Variants in POLE4 observed in about 807,000 individuals in gnomAD.
The protein encoded by POLE4 is DNA polymerase epsilon 4, accessory subunit.
POLE4 carries 15 observed loss-of-function variants against 15.6 expected under a neutral mutation model. The ratio of observed to expected loss-of-function variants is 0.96; its 90% CI spans 0.64 to 1.48. POLE4 has a LOEUF of 1.48. POLE4 is among the 40% of genes most tolerant of loss of function. POLE4 has a pLI of 0.00. For missense variants in POLE4, 205 were observed against 151.9 expected, an observed-to-expected ratio of 1.35 and a Z score of -1.84; for synonymous variants, 83 against 63.2, an observed-to-expected ratio of 1.31 and a Z score of -1.49.
rs1671165853 is a variant in POLE4 at position 74,958,832 on chromosome 2, G to A, written c.153G>A (p.Lys51=). The change falls in exon 1 of 4, where the codon AAG becomes AAA. Residue 51 remains lysine, a synonymous_variant. Coordinates refer to ENST00000483063, the MANE Select transcript of POLE4 (RefSeq NM_019896.4). ...TGGCGCGAGTGAAGGCCTTGGTGAAGGCAGATCCCGACGTGACGCTAGCGG... is the reference window on the plus strand; with the variant it reads ...TGGCGCGAGTGAAGGCCTTGGTGAAAGCAGATCCCGACGTGACGCTAGCGG... ...LPLARVKALV[K]ADPDVTLAGQ... The A allele has an allele frequency of 1.0e-5, 16 of 1,559,886 alleles. No homozygotes were observed. Among genetic ancestry groups the A allele is most frequent in the Non-Finnish European group, 1.3e-5 (15 of 1,151,998 alleles).
rs1342558333 is a variant in POLE4 at position 74,958,811 on chromosome 2, G to T, written c.132G>T (p.Ala44=). 1 of 1,556,116 alleles carries T rather than the reference G, an allele frequency of 6.4e-7. No homozygotes were observed. The highest frequency in any genetic ancestry group is 8.7e-7 in the Non-Finnish European group (1 of 1,149,812). ...PGARLSRLPL[A]RVKALVKADP... ...CTCGTCTCTCGAGGTTGCCTCTGGC[G>T]CGAGTGAAGGCCTTGGTGAAGGCAG... The change falls in exon 1 of 4, where the codon GCG becomes GCT. Residue 44 remains alanine, a synonymous_variant. Transcript: ENST00000483063.
At chr2:74,964,024 A>G (rs1379375312) in intron 3 of POLE4, among the ~76,000 whole-genome samples, 10 of 147,036 alleles carry the variant, frequency 6.8e-5, no homozygotes, top group Non-Finnish European at 4.6e-5. Context: ...TTTGTCTTTC[A>G]TAACAGTGGA....
At chr2:74,961,886 C>G (rs1432980356) in intron 3 of POLE4, among the ~76,000 whole-genome samples, 1 of 152,058 alleles carries the variant, frequency 6.6e-6, no homozygotes, top group African/African-American at 2.4e-5. Context: ...GTTCTTATGT[C>G]CTTAGGTGTG....
At chr2:74,966,481 A>C (rs1250362474) in intron 3 of POLE4, among the ~76,000 whole-genome samples, 2 of 152,162 alleles carry the variant, frequency 1.3e-5, no homozygotes, top group East Asian at 3.8e-4. Flanking sequence ...AGCTCACTGC[A>C]ACCTCTGCCT....
intron 3 of POLE4, among the ~76,000 whole-genome samples, chr2:74,963,042 G>C (rs932782799): frequency 6.6e-6 from 1 of 152,210 alleles, no homozygotes; most frequent in Non-Finnish European, 1.5e-5. Context: ...CTATTTTAAT[G>C]TTGATATTTG....
rs1055930922 is a variant in POLE4, at chr2:74,962,245, G to T, written c.340+2099G>T. 2.6e-5 allele frequency among the ~76,000 whole-genome samples: 4 copies of T among 152,246 alleles called. No individual in the cohort carries two copies. The East Asian group carries it at 5.8e-4, about 22-fold the overall frequency. On this transcript the variant is annotated intron_variant, in intron 3 of 3. Transcript: ENST00000483063. ...ATAACATACTAGGATGTCTTTGGTTGTTGTGTCCAATTTTTAATGTATTCC... is the reference window on the plus strand; with the variant it reads ...ATAACATACTAGGATGTCTTTGGTTTTTGTGTCCAATTTTTAATGTATTCC...
At position 74,958,759 on chromosome 2, in the gene POLE4, C is replaced by A; in HGVS notation, c.80C>A (p.Pro27His). Residue 27 changes from proline (P) to histidine (H), a missense_variant, in exon 1 of 4, where the codon CCC (proline) becomes CAC (histidine). By Grantham distance (77) the Pro-to-His change is moderately conservative. Transcript: ENST00000483063. Reference sequence around the variant, plus strand: ...GCTGGGGAGGCAGCGGCCTCGCAGCCCCAGGCCCCAACGAGTGTGCCTGGG... The same window carrying A: ...GCTGGGGAGGCAGCGGCCTCGCAGCACCAGGCCCCAACGAGTGTGCCTGGG... Reference protein sequence around the residue: ...GPAGEAAASQPQAPTSVPGAR... With the variant: ...GPAGEAAASQHQAPTSVPGAR... The A allele has an allele frequency of 5.8e-6, 9 of 1,540,588 alleles. No homozygotes were observed. The highest frequency in any genetic ancestry group is 5.3e-6 in the Non-Finnish European group (6 of 1,142,598).
intron 3 of POLE4, among the ~76,000 whole-genome samples, chr2:74,961,875 T>C (rs892177945): frequency 6.6e-6 from 1 of 152,204 alleles, no homozygotes; most frequent in African/African-American, 2.4e-5. Flanking sequence ...GTAAAATAAA[T>C]GTTCTTATGT....
At chr2:74,965,359 A>G (rs1287877632) in intron 3 of POLE4, among the ~76,000 whole-genome samples, 1 of 152,138 alleles carries the variant, frequency 6.6e-6, no homozygotes, top group Middle Eastern at 3.2e-3. Flanking sequence ...TCAGCCTCCC[A>G]AAGTGTTGGG....
At position 74,958,789 on chromosome 2, in the gene POLE4, GTC is replaced by G; in HGVS notation, c.115_116del (p.Ser39GlufsTer62). 2.6e-6 allele frequency: 4 copies of G among 1,551,536 alleles called. No individual in the cohort carries two copies. The highest frequency in any genetic ancestry group is 1.4e-5 in the African/African-American group (1 of 73,072). ...GCCCCAACGAGTGTGCCTGGGGCTCGTCTCTCGAGGTTGCCTCTGGCGCGAGT... is the reference window on the plus strand; with the variant it reads ...GCCCCAACGAGTGTGCCTGGGGCTCGTCTCGAGGTTGCCTCTGGCGCGAGT... On this transcript the variant is annotated frameshift_variant, in exon 1 of 4. Coordinates refer to ENST00000483063, the MANE Select transcript of POLE4 (RefSeq NM_019896.4). LOFTEE classifies it high-confidence loss of function.
chr2:74,969,042 T>C (rs749372137), intron 3 of POLE4, among the ~76,000 whole-genome samples: 6 of 152,196 alleles, frequency 3.9e-5, no homozygotes, highest in Admixed American at 6.5e-5. Flanking sequence ...CAGTCCCCCA[T>C]CTGGAACTGA....
At position 74,958,889 on chromosome 2, in the gene POLE4, C is replaced by T. The variant is rs1182065344; in HGVS notation, c.210C>T (p.Ala70=). 1 of 1,554,230 alleles carries T rather than the reference C, an allele frequency of 6.4e-7. No homozygotes were observed. Among genetic ancestry groups the T allele is most frequent in the Non-Finnish European group, 8.7e-7 (1 of 1,148,602 alleles). The part of the protein sequence containing the change: ...GQEAIFILAR[A]AELFVETIAK... ...AAGCCATCTTCATTCTGGCACGAGC[C>T]GCGGTGCGCCTGCAGCGCGAGGGCA... Residue 70 remains alanine (A), a synonymous_variant, in exon 1 of 4, where the codon GCC becomes GCT. Coordinates refer to ENST00000483063, the MANE Select transcript of POLE4 (RefSeq NM_019896.4).
At chr2:74,959,289 C>T (rs1217338393) in intron 1 of POLE4, 52 bp from the exon 2 acceptor site, 4 of 1,215,128 alleles carry the variant, frequency 3.3e-6, no homozygotes, top group Admixed American at 1.9e-5. Context: ...GAGCCCTCAC[C>T]TCCTCAGTGT....
intron 3 of POLE4, chr2:74,960,455 G>T (rs760736605): frequency 8.5e-6 from 4 of 471,198 alleles, no homozygotes; most frequent in South Asian, 5.9e-5. Context: ...TGTCAGGCTT[G>T]CCCCCCCTCA....
intron 1 of POLE4, 106 bp downstream of exon 1, chr2:74,958,998 G>C (rs1279160767): frequency 5.6e-6 from 6 of 1,062,940 alleles, no homozygotes; most frequent in Non-Finnish European, 6.8e-6. Context: ...CCCGGGTTTT[G>C]AGATGTGGGC....
At chr2:74,959,854 A>G (rs969889135) in intron 2 of POLE4, 1 of 495,834 alleles carries the variant, frequency 2.0e-6, no homozygotes, top group African/African-American at 1.9e-5. Flanking sequence ...ATTTAGGGGT[A>G]ATTTAGGAGG....
At chr2:74,967,675 C>T (rs1391697357) in intron 3 of POLE4, among the ~76,000 whole-genome samples, 1 of 152,162 alleles carries the variant, frequency 6.6e-6, no homozygotes, top group African/African-American at 2.4e-5. Context: ...TTTTATCCCC[C>T]TATATGCCTA....
intron 2 of POLE4, 32 bp downstream of exon 2, chr2:74,959,457 CAAGG>C (rs757941374): frequency 9.2e-6 from 13 of 1,415,816 alleles, no homozygotes; most frequent in Middle Eastern, 3.5e-4. Flanking sequence ...TGGGGACAGA[CAAGG>C]GAGGGCTGGG....
At chr2:74,968,640 T>C (rs1003734607) in intron 3 of POLE4, among the ~76,000 whole-genome samples, 2 of 151,516 alleles carry the variant, frequency 1.3e-5, no homozygotes, top group Non-Finnish European at 2.9e-5. Context: ...TTTTTTTTTT[T>C]CCAAGTTAGG....
Sources: allele counts gnomAD v4.1 joint callset (sites outside exome capture counted in the v4.1 genomes callset), GRCh38; gene constraint gnomAD v4.1.1; transcripts MANE v1.5; gene names NCBI Gene and HGNC (gene_info 2026-07-23, HGNC 2026-07-21).